The following ROPN1L variants were observed in gnomAD, a reference collection of about 807,000 sequenced individuals.
The protein encoded by ROPN1L is rhophilin associated tail protein 1 like, also known as ropporin-1-like protein.
Under a neutral mutation model 22.7 loss-of-function variants are expected in ROPN1L, and 23 were observed. That is an observed-to-expected ratio of 1.01 (90% CI 0.73 to 1.43). The LOEUF (loss-of-function observed/expected upper bound fraction) is 1.43, where lower values mean the gene tolerates loss of function less well. Among genes scored for constraint, ROPN1L ranks in the 40% most tolerant of loss-of-function variants. The pLI is 0.00. For synonymous variants in ROPN1L, 116 were observed against 117.8 expected (o/e 0.98, Z 0.10); for missense variants, 271 against 291.5 (o/e 0.93, Z 0.51).
intron 3 of ROPN1L, among the ~76,000 whole-genome samples, chr5:10,455,782 T>TAGAGGCTTTTAAAAACCAGTGCTCGGTC (rs1272068000): frequency 4.4e-5 from 6 of 137,488 alleles, no homozygotes; most frequent in African/African-American, 8.9e-5. Context: ...AGTGCTGGGT[T>TAGAGGCTTTTAAAAACCAGTGCTCGGTC]AGAGGCTTTT....
chr5:10,460,982 T>C (rs1176683787), intron 3 of ROPN1L, among the ~76,000 whole-genome samples: 1 of 152,244 alleles, frequency 6.6e-6, no homozygotes, highest in African/African-American at 2.4e-5. Flanking sequence ...TCCTGGTCAA[T>C]TGCACCCCAT....
rs992646424 is a variant in ROPN1L at position 10,448,304 on chromosome 5, A to G, written c.176A>G (p.Asp59Gly). 3.7e-6 allele frequency: 6 copies of G among 1,614,176 alleles called. No homozygotes were observed. Among genetic ancestry groups the G allele is most frequent in the Middle Eastern group, 1.6e-4 (1 of 6,062 alleles). The part of the protein sequence containing the change: ...LSRGDPLPVK[D>G]RMEMPTATQK... ...AGAGGAGATCCACTTCCTGTAAAGG[A>G]CAGAATGGAAATGCCCACGGCAACC... The change falls in exon 2 of 5, where the codon GAC becomes GGC. Residue 59 changes from aspartate (D) to glycine (G), a missense_variant. By Grantham distance (94) the Asp-to-Gly change is moderately conservative. Transcript: ENST00000274134.
chr5:10,464,732 C>A, intron 4 of ROPN1L, 116 bp from the exon 5 acceptor site: 1 of 577,798 alleles, frequency 1.7e-6, no homozygotes, highest in Non-Finnish European at 3.0e-6. Flanking sequence ...TACTGATGAG[C>A]AACCATAAAT....
chr5:10,447,354 C>G (rs998771575), intron 1 of ROPN1L, among the ~76,000 whole-genome samples: 8 of 152,154 alleles, frequency 5.3e-5, no homozygotes, highest in African/African-American at 1.4e-4. Flanking sequence ...GTTTCCCACT[C>G]TTGCCCCCAA....
intron 4 of ROPN1L, chr5:10,461,653 C>T (rs930364514): frequency 1.2e-5 from 3 of 260,266 alleles, no homozygotes; most frequent in Non-Finnish European, 2.2e-5. Context: ...TGCCCCCACC[C>T]TGCCCCATTT....
At chr5:10,456,543 T>C (rs1354729091) in intron 3 of ROPN1L, among the ~76,000 whole-genome samples, 1 of 152,130 alleles carries the variant, frequency 6.6e-6, no homozygotes, top group Non-Finnish European at 1.5e-5. Context: ...GCCCAGCACA[T>C]ATCGCACATG....
chr5:10,451,138 C>G (rs114793453), intron 3 of ROPN1L, among the ~76,000 whole-genome samples: 1 of 152,322 alleles, frequency 6.6e-6, no homozygotes, highest in South Asian at 2.1e-4. Context: ...TTGATTTTCC[C>G]CCCTCCCTTC....
At chr5:10,444,038 C>T (rs753476625) in intron 1 of ROPN1L, among the ~76,000 whole-genome samples, 1 of 152,156 alleles carries the variant, frequency 6.6e-6, no homozygotes, top group Non-Finnish European at 1.5e-5. Flanking sequence ...TTTTACCCAC[C>T]AACTGAGCTA....
chr5:10,479,016 C>T, the ROPN1L span, among the ~76,000 whole-genome samples: 908 of 152,282 alleles, frequency 6.0e-3, 9 homozygotes, highest in African/African-American at 0.02. Flanking sequence ...TTAATGCCTT[C>T]GAAATCAGCT....
intron 3 of ROPN1L, among the ~76,000 whole-genome samples, chr5:10,451,965 A>ATCTATCT (rs1554029689): frequency 5.5e-5 from 1 of 18,336 alleles, no homozygotes; most frequent in African/African-American, 9.5e-5. Context: ...CTATCTATCT[A>ATCTATCT]ATCTATCTAT....
intron 1 of ROPN1L, 59 bp downstream of exon 1, chr5:10,442,357 G>A (rs1391778942): frequency 1.3e-6 from 2 of 1,593,338 alleles, no homozygotes; most frequent in Admixed American, 1.7e-5. Context: ...GACGAGCCCA[G>A]AGAGCCCTCC....
chr5:10,478,872 G>T, the ROPN1L span, among the ~76,000 whole-genome samples: 1 of 152,100 alleles, frequency 6.6e-6, no homozygotes, highest in Non-Finnish European at 1.5e-5. Flanking sequence ...TCTCAGGAGC[G>T]GGAAAAGATG....
rs1740898711 is a variant in ROPN1L at position 10,442,110 on chromosome 5, G to T, written c.-58G>T. 6.4e-7 allele frequency: 1 copy of T among 1,573,684 alleles called. No individual in the cohort carries two copies. Among genetic ancestry groups the T allele is most frequent in the South Asian group, 1.1e-5 (1 of 87,768 alleles). ...GTCCACCGCGTCGTAGCCGACAGCCGCCCTTCTTCCTCGCAGCGCGCCGCG... is the reference window on the plus strand; with the variant it reads ...GTCCACCGCGTCGTAGCCGACAGCCTCCCTTCTTCCTCGCAGCGCGCCGCG... On this transcript the variant is annotated 5_prime_UTR_variant, in exon 1 of 5. Transcript: ENST00000274134.
chr5:10,477,014 C>T (rs1735328117), downstream of ROPN1L, among the ~76,000 whole-genome samples: 1 of 152,234 alleles, frequency 6.6e-6, no homozygotes, highest in Admixed American at 6.5e-5. Flanking sequence ...GTCTCTGCTG[C>T]AACTGCTCAG....
chr5:10,478,690 T>G, the ROPN1L span, among the ~76,000 whole-genome samples: 1 of 152,130 alleles, frequency 6.6e-6, no homozygotes, highest in Non-Finnish European at 1.5e-5. Context: ...CTTAATGACA[T>G]CTGCAACAGC....
chr5:10,467,140 C>T (rs1735168551), downstream of ROPN1L, among the ~76,000 whole-genome samples: 1 of 152,090 alleles, frequency 6.6e-6, no homozygotes, highest in Non-Finnish European at 1.5e-5. Context: ...ACTCAAGTTC[C>T]TCCGCGCCAC....
At chr5:10,452,319 G>GTC (rs1367933934) in intron 3 of ROPN1L, among the ~76,000 whole-genome samples, 30 of 144,204 alleles carry the variant, frequency 2.1e-4, no homozygotes, top group African/African-American at 8.3e-4. Context: ...GTGTGTCTGT[G>GTC]TGTGTGTGTG....
chr5:10,446,435 G>T (rs1206324009), intron 1 of ROPN1L, among the ~76,000 whole-genome samples: 3 of 152,168 alleles, frequency 2.0e-5, no homozygotes, highest in African/African-American at 7.2e-5. Flanking sequence ...GAGGCGGGTT[G>T]ATTGTCTGAG....
chr5:10,450,326 A>G (rs933757623), intron 3 of ROPN1L, among the ~76,000 whole-genome samples: 9 of 152,226 alleles, frequency 5.9e-5, no homozygotes, highest in Admixed American at 3.9e-4. Flanking sequence ...TTAAAAGTTA[A>G]TAGTAGATGA....
Sources: allele counts gnomAD v4.1 joint callset (sites outside exome capture counted in the v4.1 genomes callset), GRCh38; gene constraint gnomAD v4.1.1; transcripts MANE v1.5; gene names NCBI Gene and HGNC (gene_info 2026-07-23, HGNC 2026-07-21).